The following STEAP3 variants were observed in gnomAD, a reference collection of about 807,000 sequenced individuals.
The protein encoded by STEAP3 is metalloreductase STEAP3.
In STEAP3, 35 loss-of-function variants were observed where a neutral mutation model predicts 34.9. The ratio of observed to expected loss-of-function variants is 1.00; its 90% CI spans 0.76 to 1.33. STEAP3 has a LOEUF of 1.33. Ranked by LOEUF, STEAP3 falls within the 40% of genes most tolerant of loss-of-function variation. STEAP3 has a pLI of 0.00. For missense variants in STEAP3, 652 were observed against 667.6 expected, an observed-to-expected ratio of 0.98 and a Z score of 0.26; for synonymous variants, 281 against 301.6, an observed-to-expected ratio of 0.93 and a Z score of 0.71.
At chr2:119,237,675 G>T (rs1410013764) in intron 2 of STEAP3, among the ~76,000 whole-genome samples, 1 of 152,152 alleles carries the variant, frequency 6.6e-6, no homozygotes, top group Admixed American at 6.5e-5. Context: ...TTTACTCTTG[G>T]TTTACACACA....
At chr2:119,237,641 G>A (rs556723720) in intron 2 of STEAP3, among the ~76,000 whole-genome samples, 8 of 152,316 alleles carry the variant, frequency 5.3e-5, no homozygotes, top group Admixed American at 1.3e-4. Flanking sequence ...CATGGAGCGC[G>A]CTTAAGCTGT....
intron 2 of STEAP3, among the ~76,000 whole-genome samples, chr2:119,237,392 CT>C (rs1291297199): frequency 6.6e-6 from 1 of 152,144 alleles, no homozygotes; most frequent in Non-Finnish European, 1.5e-5. Flanking sequence ...GTGGCAGGCT[CT>C]TTTTAACAAG....
At chr2:119,250,697 C>T (rs1251896168) in intron 4 of STEAP3, among the ~76,000 whole-genome samples, 1 of 152,162 alleles carries the variant, frequency 6.6e-6, no homozygotes, top group Non-Finnish European at 1.5e-5. Context: ...TCCCCTGCCA[C>T]CCTTCAACTG....
intron 2 of STEAP3, among the ~76,000 whole-genome samples, chr2:119,242,113 C>T (rs751400395): frequency 6.6e-6 from 1 of 152,222 alleles, no homozygotes; most frequent in Non-Finnish European, 1.5e-5. Context: ...GGGACCGCTT[C>T]TCACTCATCC....
At chr2:119,239,117 T>C (rs1402546802) in intron 2 of STEAP3, among the ~76,000 whole-genome samples, 3 of 152,220 alleles carry the variant, frequency 2.0e-5, no homozygotes, top group Non-Finnish European at 4.4e-5. Flanking sequence ...ATTTTCATTT[T>C]ACACTTGATG....
chr2:119,256,432 G>T (rs1412825454), intron 5 of STEAP3, among the ~76,000 whole-genome samples: 1 of 152,102 alleles, frequency 6.6e-6, no homozygotes, highest in African/African-American at 2.4e-5. Context: ...TATCCGGCGT[G>T]CATGGTTTAT....
chr2:119,257,863 G>A, intron 5 of STEAP3: 1 of 419,670 alleles, frequency 2.4e-6, no homozygotes, highest in Non-Finnish European at 3.2e-6. Flanking sequence ...CCGGAAAAGG[G>A]TCCCGATCCA....
rs538429675 is a variant in STEAP3 at position 119,264,436 on chromosome 2, C to G, written c.*1098C>G. The G allele has an allele frequency of 6.6e-6, 1 of 152,334 alleles. No individual in the cohort carries two copies. The highest frequency in any genetic ancestry group is 1.9e-4 in the East Asian group (1 of 5,174). 9.4% of individuals were successfully genotyped at this position (152,334 alleles called of 1,614,324 possible). On this transcript the variant is annotated 3_prime_UTR_variant, in exon 6 of 6. Coordinates refer to ENST00000393110, the MANE Select transcript of STEAP3 (RefSeq NM_182915.3). ...TGGCTCCAACTTCCTCCTCATGGGG[C>G]ATTACACTTCAAAACAGTGGGGAGC...
Position 119,248,217 on chromosome 2 carries a change from C to G in STEAP3, c.1050+11C>G. On this transcript the variant is annotated intron_variant, in intron 4 of 5. Coordinates refer to ENST00000393110, the MANE Select transcript of STEAP3 (RefSeq NM_182915.3). ...CTGGCAGTCAAGCAGGTACCCACCC[C>G]ATGCCCTTCCTCCCTCTGGCAACTC... 1.3e-6 allele frequency: 2 copies of G among 1,563,744 alleles called. No homozygotes were observed. The highest frequency in any genetic ancestry group is 1.7e-6 in the Non-Finnish European group (2 of 1,153,496).
intron 1 of STEAP3, among the ~76,000 whole-genome samples, chr2:119,228,210 TGA>T (rs1183501851): frequency 1.3e-5 from 2 of 152,108 alleles, no homozygotes; most frequent in Non-Finnish European, 2.9e-5. Context: ...CTGGTGGGCT[TGA>T]GAGAGTAACA....
chr2:119,223,906 C>A lies in STEAP3; in HGVS notation c.-394+18C>A, dbSNP rs1161320975. On this transcript the variant is annotated intron_variant, in intron 1 of 5. Coordinates refer to ENST00000393110, the MANE Select transcript of STEAP3 (RefSeq NM_182915.3). ...CCGCAGAGGTGAGTGTACCCTCCCCCGGTCTCCGCGGGGCTGCGTGCTGCG... is the reference window on the plus strand; with the variant it reads ...CCGCAGAGGTGAGTGTACCCTCCCCAGGTCTCCGCGGGGCTGCGTGCTGCG... The A allele has an allele frequency of 6.6e-6, 1 of 152,218 alleles. No homozygotes were observed. The highest frequency in any genetic ancestry group is 2.4e-5 in the African/African-American group (1 of 41,464). 9.4% of individuals were successfully genotyped at this position (152,218 alleles called of 1,614,324 possible).
At chr2:119,262,802 GA>G (rs1677980736) in intron 5 of STEAP3, among the ~76,000 whole-genome samples, 1 of 152,240 alleles carries the variant, frequency 6.6e-6, no homozygotes, top group South Asian at 2.1e-4. Context: ...GAATCCGTGT[GA>G]ATTGGTGGGT....
At chr2:119,226,918 A>T (rs1044079291) in intron 1 of STEAP3, among the ~76,000 whole-genome samples, 3 of 151,920 alleles carry the variant, frequency 2.0e-5, no homozygotes, top group African/African-American at 7.2e-5. Flanking sequence ...ATGGACCCCA[A>T]CCTCTTTTTT....
chr2:119,234,824 C>G (rs1359393819), intron 2 of STEAP3, among the ~76,000 whole-genome samples: 9 of 152,206 alleles, frequency 5.9e-5, no homozygotes, highest in East Asian at 1.9e-4. Context: ...GCCCCACCCG[C>G]CTCCGCTGCT....
At chr2:119,233,645 C>T (rs745310364) in intron 2 of STEAP3, among the ~76,000 whole-genome samples, 2 of 152,148 alleles carry the variant, frequency 1.3e-5, no homozygotes, top group African/African-American at 2.4e-5. Context: ...GTTAGAGGCA[C>T]AGAAATGAGT....
intron 2 of STEAP3, chr2:119,245,220 C>T: frequency 2.2e-6 from 1 of 460,608 alleles, no homozygotes; most frequent in Non-Finnish European, 3.8e-6. Flanking sequence ...CTCACTCTGC[C>T]AGTTTTTCCC....
intron 1 of STEAP3, among the ~76,000 whole-genome samples, chr2:119,228,849 C>A (rs1679121784): frequency 6.6e-6 from 1 of 152,082 alleles, no homozygotes; most frequent in South Asian, 2.1e-4. Context: ...GAGCCAAGGT[C>A]TCAGTGAGAA....
intron 5 of STEAP3, among the ~76,000 whole-genome samples, chr2:119,256,324 C>T (rs1432286776): frequency 6.6e-6 from 1 of 152,130 alleles, no homozygotes; most frequent in Non-Finnish European, 1.5e-5. Context: ...ATGGCTGACA[C>T]ATGTTAGCAT....
At chr2:119,235,039 A>C (rs1677053978) in intron 2 of STEAP3, among the ~76,000 whole-genome samples, 1 of 152,066 alleles carries the variant, frequency 6.6e-6, no homozygotes, top group African/African-American at 2.4e-5. Flanking sequence ...CAGCCAGGAA[A>C]CTCTGTCCTC....
Sources: gnomAD v4.1 joint callset for allele counts (sites outside exome capture counted in the v4.1 genomes callset) on GRCh38, gnomAD v4.1.1 for gene constraint, MANE v1.5 for transcripts, NCBI Gene and HGNC (gene_info 2026-07-23, HGNC 2026-07-21) for gene names.